The following ADORA2B variants were observed in gnomAD, a reference collection of about 807,000 sequenced individuals.
ADORA2B encodes adenosine A2b receptor.
A neutral mutation model predicts 20.8 loss-of-function variants in ADORA2B; 18 were observed. That is an observed-to-expected ratio of 0.87 (90% confidence interval 0.60 to 1.29). The LOEUF is 1.29. ADORA2B is among the 50% of genes most tolerant of loss of function. The pLI, the probability that ADORA2B is intolerant of heterozygous loss-of-function variation, is 0.00. For synonymous variants in ADORA2B, 179 were observed against 178.3 expected, an observed-to-expected ratio of 1.00 and a Z score of -0.03; for missense variants, 441 against 422.7, an observed-to-expected ratio of 1.04 and a Z score of -0.38.
At chr17:15,854,768 A>G in the ADORA2B span, among the ~76,000 whole-genome samples, 2 of 152,208 alleles carry the variant, frequency 1.3e-5, no homozygotes, top group Non-Finnish European at 2.9e-5. Context: ...GCACAGACAG[A>G]TGTACCAGGA....
chr17:15,907,221 T>C, the ADORA2B span, among the ~76,000 whole-genome samples: 11 of 152,268 alleles, frequency 7.2e-5, no homozygotes, highest in Non-Finnish European at 1.0e-4. Flanking sequence ...AAGTGTTTTT[T>C]TTTTTAATTG....
the ADORA2B span, among the ~76,000 whole-genome samples, chr17:15,877,920 T>G: frequency 7.9e-5 from 12 of 152,162 alleles, no homozygotes; most frequent in East Asian, 2.3e-3. Context: ...ATGTTAGTTA[T>G]TTCTTGTCCA....
Position 15,945,488 on chromosome 17 carries a change from C to T in ADORA2B, c.240C>T (p.Phe80=), listed in dbSNP as rs560614929. The T allele has an allele frequency of 2.5e-5, 40 of 1,612,778 alleles. No individual in the cohort carries two copies. The African/African-American group carries it at 4.5e-4, about 18-fold the overall frequency. ...GCACTGACTTCTACGGCTGCCTCTT[C>T]CTCGCCTGCTTCGTGCTGGTGCTCA... ...GFCTDFYGCL[F]LACFVLVLTQ... The change falls in exon 1 of 2, where the codon TTC becomes TTT. Residue 80 remains phenylalanine, a synonymous_variant. Coordinates refer to ENST00000304222, the MANE Select transcript of ADORA2B (RefSeq NM_000676.4).
intron 1 of ADORA2B, among the ~76,000 whole-genome samples, chr17:15,952,352 T>C (rs1442518695): frequency 6.6e-6 from 1 of 152,044 alleles, no homozygotes; most frequent in African/African-American, 2.4e-5. Context: ...ATCCCTAATC[T>C]CCTTTGATCT....
chr17:15,909,774 A>G, the ADORA2B span, among the ~76,000 whole-genome samples: 1 of 152,214 alleles, frequency 6.6e-6, no homozygotes, highest in Non-Finnish European at 1.5e-5. Flanking sequence ...CTTGGCCTTC[A>G]GTGCTTTCCC....
At chr17:15,882,850 G>C in the ADORA2B span, among the ~76,000 whole-genome samples, 3 of 152,162 alleles carry the variant, frequency 2.0e-5, no homozygotes, top group East Asian at 5.8e-4. Context: ...TGACTCAGTA[G>C]GTCAAATATG....
At chr17:15,864,420 C>T in the ADORA2B span, among the ~76,000 whole-genome samples, 1 of 151,890 alleles carries the variant, frequency 6.6e-6, no homozygotes, top group South Asian at 2.1e-4. Flanking sequence ...TTCTTAGGCT[C>T]TTGATGCAAT....
chr17:15,852,898 G>A, the ADORA2B span, among the ~76,000 whole-genome samples: 1 of 152,024 alleles, frequency 6.6e-6, no homozygotes, highest in African/African-American at 2.4e-5. Context: ...ATGTGTAATT[G>A]GAGTCCCCAA....
At chr17:15,943,150 CTG>C (rs1969759318), upstream of ADORA2B, among the ~76,000 whole-genome samples, 1 of 152,156 alleles carries the variant, frequency 6.6e-6, no homozygotes, top group Non-Finnish European at 1.5e-5. Flanking sequence ...TATAAATCAA[CTG>C]TTTTCATTAT....
At chr17:15,865,285 G>A in the ADORA2B span, among the ~76,000 whole-genome samples, 4 of 151,976 alleles carry the variant, frequency 2.6e-5, no homozygotes, top group Admixed American at 1.3e-4. Context: ...TTTAAGAGAC[G>A]GAGTCTCATT....
chr17:15,877,620 G>A, the ADORA2B span, among the ~76,000 whole-genome samples: 5 of 152,180 alleles, frequency 3.3e-5, no homozygotes, highest in South Asian at 8.3e-4. Context: ...TTGTAAATTC[G>A]TTTAATTCCC....
At chr17:15,903,480 T>C in the ADORA2B span, among the ~76,000 whole-genome samples, 1 of 152,324 alleles carries the variant, frequency 6.6e-6, no homozygotes, top group Admixed American at 6.5e-5. Flanking sequence ...TAGCACTATG[T>C]AGGGGGAAGA....
chr17:15,936,595 C>T, the ADORA2B span, among the ~76,000 whole-genome samples: 4 of 152,334 alleles, frequency 2.6e-5, no homozygotes, highest in Non-Finnish European at 2.9e-5. Context: ...GCTGGGATTA[C>T]AGGCATGAGC....
the ADORA2B span, among the ~76,000 whole-genome samples, chr17:15,917,073 G>A: frequency 6.6e-6 from 1 of 152,236 alleles, no homozygotes; most frequent in Non-Finnish European, 1.5e-5. Flanking sequence ...TCTTTGGGAG[G>A]ACAACATGGG....
rs3064500 is a variant in ADORA2B at position 15,974,795 on chromosome 17, CCAA to C, written c.457_459del (p.Asn153del). On this transcript the variant is annotated inframe_deletion, in exon 2 of 2. Transcript: ENST00000304222. Reference sequence around the variant, plus strand: ...GGGTGGAACAGTAAAGACAGTGCCACCAACAACTGCACAGAACCCTGGGATGGA... The same window carrying C: ...GGGTGGAACAGTAAAGACAGTGCCACCAACTGCACAGAACCCTGGGATGGA... 0.042 allele frequency: 67,184 copies of C among 1,614,044 alleles called. 1,487 individuals carry two copies. Among genetic ancestry groups the C allele is most frequent in the African/African-American group, 0.059 (4,397 of 74,992 alleles).
At chr17:15,963,865 C>A (rs1267753254) in intron 1 of ADORA2B, among the ~76,000 whole-genome samples, 2 of 152,206 alleles carry the variant, frequency 1.3e-5, no homozygotes, top group African/African-American at 4.8e-5. Context: ...CAAATGGCAT[C>A]TCTCCCAGCC....
At position 15,974,793 on chromosome 17, in the gene ADORA2B, C is replaced by T. The variant is rs1970229083; in HGVS notation, c.450C>T (p.Ala150=). Residue 150 remains alanine, a synonymous_variant, in exon 2 of 2, where the codon GCC becomes GCT. Transcript: ENST00000304222. ...TGGGGTGGAACAGTAAAGACAGTGC[C>T]ACCAACAACTGCACAGAACCCTGGG... is the stretch of plus-strand genomic sequence containing the variant. ...PFLGWNSKDS[A]TNNCTEPWDG... 6.2e-7 allele frequency: 1 copy of T among 1,613,294 alleles called. No individual in the cohort carries two copies. Among genetic ancestry groups the T allele is most frequent in the South Asian group, 1.1e-5 (1 of 91,038 alleles).
At chr17:15,874,383 A>G in the ADORA2B span, among the ~76,000 whole-genome samples, 11 of 152,102 alleles carry the variant, frequency 7.2e-5, 1 homozygote, top group South Asian at 2.3e-3. Context: ...TATGTATTTT[A>G]CCTTATTTTT....
At chr17:15,936,884 A>AGG in the ADORA2B span, among the ~76,000 whole-genome samples, 1 of 152,208 alleles carries the variant, frequency 6.6e-6, no homozygotes. Flanking sequence ...GGAGCCCAGG[A>AGG]GTTCGAGACT....
Sources: allele counts gnomAD v4.1 joint callset (sites outside exome capture counted in the v4.1 genomes callset), GRCh38; gene constraint gnomAD v4.1.1; transcripts MANE v1.5; gene names NCBI Gene and HGNC (gene_info 2026-07-23, HGNC 2026-07-21).